The following CLSTN2 variants were observed in gnomAD, a reference collection of about 807,000 sequenced individuals.
CLSTN2 encodes calsyntenin-2.
A neutral mutation model predicts 101.2 loss-of-function variants in CLSTN2; 48 were observed. The observed-to-expected ratio is 0.47, with a 90% CI of 0.38 to 0.60. The LOEUF is 0.60. CLSTN2 is among the 20% of genes least tolerant of loss of function. CLSTN2 has a pLI of 0.00. For missense variants in CLSTN2, 1,160 were observed against 1,238.2 expected (o/e 0.94, Z 0.95); for synonymous variants, 481 against 463.6 (o/e 1.04, Z -0.48).
intron 2 of CLSTN2, among the ~76,000 whole-genome samples, chr3:140,337,017 A>G (rs574079893): frequency 1.1e-3 from 173 of 152,300 alleles, no homozygotes; most frequent in Middle Eastern, 3.4e-3. Flanking sequence ...GCAATTCTTC[A>G]GTCTCTGGAG....
At chr3:140,092,863 C>T (rs913384541) in intron 1 of CLSTN2, among the ~76,000 whole-genome samples, 3 of 152,190 alleles carry the variant, frequency 2.0e-5, no homozygotes, top group Non-Finnish European at 4.4e-5. Context: ...CGGTGACTTG[C>T]GTGCTGCCTG....
chr3:140,449,963 T>G (rs1031291077), intron 6 of CLSTN2: 2 of 152,232 alleles, frequency 1.3e-5, no homozygotes, highest in African/African-American at 2.4e-5. Flanking sequence ...AGAGAGGGCT[T>G]GTTGTCATTT....
intron 4 of CLSTN2, among the ~76,000 whole-genome samples, chr3:140,408,743 A>G (rs2088332152): frequency 6.6e-6 from 1 of 152,164 alleles, no homozygotes; most frequent in South Asian, 2.1e-4. Context: ...CAGGGAAGCC[A>G]CTACATGTAT....
chr3:140,168,330 G>A (rs1680980282), intron 1 of CLSTN2, among the ~76,000 whole-genome samples: 1 of 152,036 alleles, frequency 6.6e-6, no homozygotes, highest in Admixed American at 6.6e-5. Flanking sequence ...ATTTATTTTA[G>A]TGACAGGTAT....
At chr3:140,392,619 G>A (rs553528473) in intron 2 of CLSTN2, among the ~76,000 whole-genome samples, 51 of 152,232 alleles carry the variant, frequency 3.4e-4, no homozygotes, top group Non-Finnish European at 2.9e-5. Context: ...ATTCTGGCTA[G>A]TGGCTTCTGC....
chr3:140,146,968 A>T (rs2009789720), intron 1 of CLSTN2, among the ~76,000 whole-genome samples: 1 of 152,238 alleles, frequency 6.6e-6, no homozygotes, highest in African/African-American at 2.4e-5. Context: ...ATACAGAGAC[A>T]ATACAACCAG....
intron 2 of CLSTN2, among the ~76,000 whole-genome samples, chr3:140,330,831 G>A (rs981070075): frequency 6.6e-6 from 1 of 152,210 alleles, no homozygotes; most frequent in Non-Finnish European, 1.5e-5. Context: ...GTACCCAGTT[G>A]TGTAAGTTGG....
Position 140,179,620 on chromosome 3 carries a change from CAAAAAAAAAAAAAA to C in CLSTN2, c.232+3566_232+3579del, listed in dbSNP as rs57433306. On this transcript the variant is annotated intron_variant, in intron 2 of 16. Coordinates refer to ENST00000458420, the MANE Select transcript of CLSTN2 (RefSeq NM_022131.3). ...TGCACTCCAGAGCAAGACCCTATCT[CAAAAAAAAAAAAAA>C]AAAAAAAAAAAAAAAAAACCTTGCT... 1.9e-4 allele frequency among the ~76,000 whole-genome samples: 7 copies of C among 37,464 alleles called. No individual in the cohort carries two copies. The South Asian group carries it at 6.6e-3, about 36-fold the overall frequency. 24.6% of individuals were successfully genotyped at this position (37,464 alleles called of 152,430 possible).
chr3:140,559,880 T>C (rs1366437284), intron 12 of CLSTN2, among the ~76,000 whole-genome samples: 1 of 152,152 alleles, frequency 6.6e-6, no homozygotes, highest in Non-Finnish European at 1.5e-5. Context: ...AAATAGATGA[T>C]GTTTTACCAC....
At chr3:139,952,387 A>G (rs1405681946) in intron 1 of CLSTN2, among the ~76,000 whole-genome samples, 1 of 152,180 alleles carries the variant, frequency 6.6e-6, no homozygotes, top group African/African-American at 2.4e-5. Context: ...TGGGAGAGAG[A>G]GGAGTGTCCT....
chr3:140,234,813 T>C (rs1210954946), intron 2 of CLSTN2, among the ~76,000 whole-genome samples: 1 of 152,186 alleles, frequency 6.6e-6, no homozygotes, highest in Non-Finnish European at 1.5e-5. Context: ...CTGCCCTGGT[T>C]GTTCTTGCAC....
intron 1 of CLSTN2, among the ~76,000 whole-genome samples, chr3:140,029,821 C>G (rs576203057): frequency 6.6e-6 from 1 of 152,124 alleles, no homozygotes; most frequent in Non-Finnish European, 1.5e-5. Flanking sequence ...CTTATTTTCA[C>G]TCTCCAACTG....
chr3:140,000,667 C>T (rs528209971), intron 1 of CLSTN2, among the ~76,000 whole-genome samples: 1 of 152,294 alleles, frequency 6.6e-6, no homozygotes, highest in South Asian at 2.1e-4. Context: ...CGTGGGAAGC[C>T]TCCCTAAGAG....
intron 8 of CLSTN2, among the ~76,000 whole-genome samples, chr3:140,488,286 C>A (rs558403181): frequency 6.6e-6 from 1 of 152,142 alleles, no homozygotes; most frequent in Admixed American, 6.5e-5. Context: ...CATTATGGAG[C>A]AGTCAAAGGA....
intron 2 of CLSTN2, among the ~76,000 whole-genome samples, chr3:140,277,972 G>T (rs2086810389): frequency 6.6e-6 from 1 of 152,146 alleles, no homozygotes. Flanking sequence ...GGCAGCCCAG[G>T]TTCTTTCTGC....
intron 1 of CLSTN2, among the ~76,000 whole-genome samples, chr3:140,093,102 G>A (rs957381464): frequency 2.0e-5 from 3 of 152,140 alleles, no homozygotes; most frequent in East Asian, 1.9e-4. Context: ...GAGAGAAGGT[G>A]GGGAGAGAGA....
intron 1 of CLSTN2, among the ~76,000 whole-genome samples, chr3:139,938,308 T>A (rs1041139450): frequency 1.5e-4 from 23 of 152,222 alleles, no homozygotes; most frequent in African/African-American, 5.5e-4. Context: ...AAGCATGTGC[T>A]CCCAGCTTCA....
At chr3:140,236,849 GTGTGTGTGTGTGTGTA>G (rs1241725089) in intron 2 of CLSTN2, among the ~76,000 whole-genome samples, 97 of 110,620 alleles carry the variant, frequency 8.8e-4, no homozygotes, top group South Asian at 1.7e-3. Context: ...GTGTGTGTGT[GTGTGTGTGTGTGTGTA>G]TATAAATTTC....
intron 5 of CLSTN2, among the ~76,000 whole-genome samples, chr3:140,427,227 G>GTATA (rs1485211588): frequency 1.2e-4 from 8 of 68,366 alleles, no homozygotes; most frequent in African/African-American, 4.1e-4. Flanking sequence ...ATATATATGT[G>GTATA]TGTATATATA....
Sources: gnomAD v4.1 joint callset for allele counts (sites outside exome capture counted in the v4.1 genomes callset) on GRCh38, gnomAD v4.1.1 for gene constraint, MANE v1.5 for transcripts, NCBI Gene and HGNC (gene_info 2026-07-23, HGNC 2026-07-21) for gene names.